The following KIAA1614 variants were observed in gnomAD, a reference collection of about 807,000 sequenced individuals.
The protein encoded by KIAA1614 is KIAA1614.
A neutral mutation model predicts 88.7 loss-of-function variants in KIAA1614; 76 were observed. The ratio of observed to expected loss-of-function variants is 0.86; its 90% CI spans 0.71 to 1.04. The LOEUF is 1.04. Ranked by LOEUF, KIAA1614 falls within the 50% of genes least tolerant of loss-of-function variation. The pLI is 0.00. For missense variants in KIAA1614, 1,553 were observed against 1,582.5 expected, an observed-to-expected ratio of 0.98 and a Z score of 0.32; for synonymous variants, 714 against 675.5, an observed-to-expected ratio of 1.06 and a Z score of -0.88.
intron 6 of KIAA1614, 63 bp from the exon 7 acceptor site, chr1:180,940,982 A>T: frequency 7.2e-7 from 1 of 1,390,318 alleles, no homozygotes; most frequent in Non-Finnish European, 9.8e-7. Flanking sequence ...GCCCCAGGGT[A>T]CAGTCTCCCT....
At position 180,946,529 on chromosome 1, in the gene KIAA1614, G is replaced by C. The variant is rs764167573; in HGVS notation, c.*941G>C. ...GTCTGTGGTCCAGAATGCATCTCAAGGGCCCATAAAAGACATTCCCCAGAG... is the reference window on the plus strand; with the variant it reads ...GTCTGTGGTCCAGAATGCATCTCAACGGCCCATAAAAGACATTCCCCAGAG... On this transcript the variant is annotated 3_prime_UTR_variant, in exon 9 of 9. Transcript: ENST00000367588. The C allele has an allele frequency of 1.3e-5, 2 of 152,264 alleles. No homozygotes were observed. Among genetic ancestry groups the C allele is most frequent in the Non-Finnish European group, 2.9e-5 (2 of 68,060 alleles). 9.4% of individuals were successfully genotyped at this position (152,264 alleles called of 1,614,324 possible).
At chr1:180,934,759 C>G (rs1654277018) in intron 4 of KIAA1614, among the ~76,000 whole-genome samples, 1 of 152,190 alleles carries the variant, frequency 6.6e-6, no homozygotes, top group South Asian at 2.1e-4. Context: ...CTAACAGACA[C>G]ACACACACAG....
chr1:180,943,950 A>G (rs904923331), intron 7 of KIAA1614: 3 of 160,702 alleles, frequency 1.9e-5, no homozygotes, highest in Admixed American at 1.8e-4. Context: ...TTGTCTTTTT[A>G]TCCACGATGT....
chr1:180,937,471 G>A (rs1654358843), intron 5 of KIAA1614, among the ~76,000 whole-genome samples: 1 of 152,224 alleles, frequency 6.6e-6, no homozygotes, highest in South Asian at 2.1e-4. Context: ...GGAGAATCCT[G>A]GGGGTTGGCA....
At chr1:180,924,742 G>T (rs558582171) in intron 3 of KIAA1614, among the ~76,000 whole-genome samples, 153 of 152,134 alleles carry the variant, frequency 1.0e-3, no homozygotes, top group African/African-American at 3.5e-3. Context: ...GCTACAAGAT[G>T]GTGTTTGTCA....
Position 180,916,417 on chromosome 1 carries a change from C to T in KIAA1614, c.314C>T (p.Ser105Phe), listed in dbSNP as rs767268408. The T allele has an allele frequency of 3.1e-6, 5 of 1,614,224 alleles. No homozygotes were observed. The South Asian group carries it at 5.5e-5, about 18-fold the overall frequency. ...GCCAAACAGGGAGTGAGTCCCTGCTCTGCTTCCCAAGAGTGGTCATCCCCC... is the reference window on the plus strand; with the variant it reads ...GCCAAACAGGGAGTGAGTCCCTGCTTTGCTTCCCAAGAGTGGTCATCCCCC... ...TVAKQGVSPC[S>F]ASQEWSSPKK... The change falls in exon 2 of 9, where the codon TCT (serine) becomes TTT (phenylalanine). Residue 105 changes from serine to phenylalanine, a missense_variant. By Grantham distance (155) the Ser-to-Phe change is radical (BLOSUM62 -2). Transcript: ENST00000367588.
chr1:180,936,558 C>T lies in KIAA1614; in HGVS notation c.2649C>T (p.Asn883=), dbSNP rs3795503. Residue 883 remains asparagine (N), a synonymous_variant, in exon 5 of 9, where the codon AAC becomes AAT. Transcript: ENST00000367588. ...LLALSTNNCN[N]SAPRGLQEPY... is the part of the protein sequence containing the mutation. ...CCCTGTCCACCAACAACTGCAACAA[C>T]AGCGCACCTCGGGGGCTGCAGGAGC... The T allele has an allele frequency of 0.31, 497,301 of 1,613,448 alleles. 78,803 individuals are homozygous for T. The highest frequency in any genetic ancestry group is 0.48 in the East Asian group (21,728 of 44,846).
chr1:180,922,754 C>T (rs965737052), intron 3 of KIAA1614, among the ~76,000 whole-genome samples: 5 of 152,340 alleles, frequency 3.3e-5, no homozygotes, highest in Non-Finnish European at 5.9e-5. Context: ...GTTTCCCACC[C>T]GCCAAGCAAT....
chr1:180,917,719 A>C, intron 2 of KIAA1614, 132 bp from the exon 3 acceptor site: 1 of 746,146 alleles, frequency 1.3e-6, no homozygotes, highest in South Asian at 1.6e-5. Context: ...TCCAATTTTC[A>C]GGCAAAGTGT....
At position 180,935,128 on chromosome 1, in the gene KIAA1614, A is replaced by G. The variant is rs1654287599; in HGVS notation, c.1219A>G (p.Ser407Gly). 2 of 1,434,338 alleles carry G rather than the reference A, an allele frequency of 1.4e-6. No individual in the cohort carries two copies. The highest frequency in any genetic ancestry group is 1.5e-5 in the African/African-American group (1 of 67,114). The allele number at this position is 1,434,338 out of a possible 1,614,324, so 88.9% of individuals were successfully genotyped here. The change falls in exon 5 of 9, where the codon AGC (serine) becomes GGC (glycine). Residue 407 changes from serine to glycine, a missense_variant. Coordinates refer to ENST00000367588, the MANE Select transcript of KIAA1614 (RefSeq NM_020950.2). The surrounding 1 kb of genome is among the most constrained non-coding windows in gnomAD (Gnocchi z 6.1). ...ITQGSRDGHR[S>G]PARDPRTTPA... Reference sequence around the variant, plus strand: ...TCTCTTCATCAGAGATGGCCACAGAAGCCCAGCCCGGGACCCCAGGACGAC... The same window carrying G: ...TCTCTTCATCAGAGATGGCCACAGAGGCCCAGCCCGGGACCCCAGGACGAC...
Position 180,912,913 on chromosome 1 carries a change from G to A in KIAA1614, c.-331G>A, listed in dbSNP as rs1653678137. Among the ~76,000 whole-genome samples, 1 of 151,844 alleles carries A rather than the reference G, an allele frequency of 6.6e-6. No homozygotes were observed. Among genetic ancestry groups the A allele is most frequent in the African/African-American group, 2.4e-5 (1 of 41,396 alleles). ...GGCTTGGCCGCTCTTCCCCTCCACG[G>A]CAAAGCCGTGAACGGACAGCTGATG... is the stretch of plus-strand genomic sequence containing the variant. On this transcript the variant is annotated 5_prime_UTR_variant, in exon 1 of 9. Coordinates refer to ENST00000367588, the MANE Select transcript of KIAA1614 (RefSeq NM_020950.2). The surrounding 1 kb of genome is among the most constrained non-coding windows in gnomAD (Gnocchi z 5.1).
chr1:180,930,433 T>A (rs909598501), intron 4 of KIAA1614, among the ~76,000 whole-genome samples: 1 of 151,692 alleles, frequency 6.6e-6, no homozygotes, highest in African/African-American at 2.4e-5. Context: ...AAAAAAGGAA[T>A]GGGCATGACT....
intron 4 of KIAA1614, among the ~76,000 whole-genome samples, chr1:180,933,947 C>T (rs1262314502): frequency 7.8e-6 from 1 of 127,652 alleles, no homozygotes; most frequent in African/African-American, 2.9e-5. Context: ...ACTTCGGGAG[C>T]AATTGCTTAG....
chr1:180,944,768 T>A (rs1012033986), intron 8 of KIAA1614: 60 of 354,956 alleles, frequency 1.7e-4, no homozygotes, highest in Non-Finnish European at 3.0e-4. Flanking sequence ...GCCGGTTTGA[T>A]TCCACTGTCC....
intron 6 of KIAA1614, among the ~76,000 whole-genome samples, chr1:180,939,590 G>C (rs573691800): frequency 4.4e-4 from 67 of 152,228 alleles, no homozygotes; most frequent in African/African-American, 1.5e-3. Context: ...TGGCTTCTTT[G>C]CTATACAATT....
chr1:180,944,504 G>T lies in KIAA1614; in HGVS notation c.3275G>T (p.Ser1092Ile), dbSNP rs1368475240. ...CTGGTAGCAGGGCCAGGGGACCACAGTGCAGCTGGCAGGTATGAGGGGCAC... is the reference window on the plus strand; with the variant it reads ...CTGGTAGCAGGGCCAGGGGACCACATTGCAGCTGGCAGGTATGAGGGGCAC... ...LYLVAGPGDHSAAGRPAKTSP... is the reference protein window; with the variant it reads ...LYLVAGPGDHIAAGRPAKTSP... The change falls in exon 8 of 9, where the codon AGT (serine) becomes ATT (isoleucine). Residue 1092 changes from serine (S) to isoleucine (I), a missense_variant. Physicochemically the swap from Ser to Ile is moderately radical, Grantham distance 142. Transcript: ENST00000367588. The T allele has an allele frequency of 6.2e-7, 1 of 1,613,632 alleles. No individual in the cohort carries two copies. The highest frequency in any genetic ancestry group is 8.5e-7 in the Non-Finnish European group (1 of 1,179,738).
Position 180,944,269 on chromosome 1 carries a change from T to C in KIAA1614, c.3160-120T>C. 3.1e-6 allele frequency: 3 copies of C among 982,190 alleles called. No individual in the cohort carries two copies. The East Asian group carries it at 7.8e-5, about 26-fold the overall frequency. The allele number at this position is 982,190 out of a possible 1,614,324, so 60.8% of individuals were successfully genotyped here. On this transcript the variant is annotated intron_variant, in intron 7 of 8. Transcript: ENST00000367588. ...GTTCCTGTTGAATTCTTGGAAGCAA[T>C]GATAAAAGCTTGTGCTGTCACTTTC... is the stretch of plus-strand genomic sequence containing the variant.
intron 1 of KIAA1614, among the ~76,000 whole-genome samples, chr1:180,915,645 C>T (rs1653772254): frequency 6.6e-6 from 1 of 152,134 alleles, no homozygotes; most frequent in Non-Finnish European, 1.5e-5. Flanking sequence ...TTATCTATAG[C>T]AGGGCTCCCC....
chr1:180,940,507 G>A (rs1571300290), intron 6 of KIAA1614, among the ~76,000 whole-genome samples: 1 of 151,662 alleles, frequency 6.6e-6, no homozygotes, highest in Middle Eastern at 3.4e-3. Flanking sequence ...TCTCAAAAAA[G>A]AAAAAAAATA....
Sources: allele counts gnomAD v4.1 joint callset (sites outside exome capture counted in the v4.1 genomes callset), GRCh38; gene constraint gnomAD v4.1.1; non-coding constraint Gnocchi (gnomAD v3.1); transcripts MANE v1.5; gene names NCBI Gene and HGNC (gene_info 2026-07-23, HGNC 2026-07-21).